NTNG1: variants seen among roughly 807,000 people sequenced by gnomAD.
The protein encoded by NTNG1 is netrin G1, also known as netrin-G1.
A neutral mutation model predicts 54.0 loss-of-function variants in NTNG1; 16 were observed. The observed-to-expected ratio is 0.30, with a 90% CI of 0.20 to 0.45. The LOEUF (loss-of-function observed/expected upper bound fraction) is 0.45, where lower values mean the gene tolerates loss of function less well. Among genes scored for constraint, NTNG1 ranks in the 20% least tolerant of loss-of-function variants. NTNG1 has a pLI of 1.00. For missense variants in NTNG1, 530 were observed against 678.7 expected (o/e 0.78, Z 2.43); for synonymous variants, 255 against 263.1 (o/e 0.97, Z 0.30).
chr1:107,318,035 G>A (rs948968250), intron 2 of NTNG1, among the ~76,000 whole-genome samples: 4 of 152,030 alleles, frequency 2.6e-5, no homozygotes, highest in Non-Finnish European at 5.9e-5. Flanking sequence ...TCTAATGTTG[G>A]GACAGTCCCA....
intron 5 of NTNG1, among the ~76,000 whole-genome samples, chr1:107,417,317 G>A (rs1674282882): frequency 6.6e-6 from 1 of 151,996 alleles, no homozygotes; most frequent in Non-Finnish European, 1.5e-5. Context: ...ATTTCTGTTG[G>A]CTCTATCAGG....
intron 7 of NTNG1, chr1:107,455,654 T>C (rs780503706): frequency 5.2e-5 from 25 of 484,932 alleles, no homozygotes; most frequent in Non-Finnish European, 9.2e-5. Flanking sequence ...GCTGTTGCAC[T>C]GCAGCCATTT....
intron 2 of NTNG1, among the ~76,000 whole-genome samples, chr1:107,169,173 T>A (rs999897968): frequency 6.6e-6 from 1 of 152,150 alleles, no homozygotes; most frequent in Non-Finnish European, 1.5e-5. Flanking sequence ...TACATTCCTA[T>A]AATTTACAGT....
intron 2 of NTNG1, among the ~76,000 whole-genome samples, chr1:107,269,179 A>G (rs1223901935): frequency 6.6e-6 from 1 of 152,168 alleles, no homozygotes; most frequent in Non-Finnish European, 1.5e-5. Context: ...TAGTTTACAA[A>G]TCCTGTAGGA....
At chr1:107,307,269 T>C (rs1666750120) in intron 2 of NTNG1, among the ~76,000 whole-genome samples, 1 of 152,240 alleles carries the variant, frequency 6.6e-6, no homozygotes, top group African/African-American at 2.4e-5. Context: ...TTAATTTTCA[T>C]GCCTCCATTT....
At chr1:107,374,973 G>A (rs1333898947) in intron 3 of NTNG1, among the ~76,000 whole-genome samples, 1 of 152,068 alleles carries the variant, frequency 6.6e-6, no homozygotes, top group Non-Finnish European at 1.5e-5. Flanking sequence ...TCTACTCAAT[G>A]CCCTGTGAAT....
At chr1:107,295,854 C>T (rs773067550) in intron 2 of NTNG1, among the ~76,000 whole-genome samples, 1 of 152,120 alleles carries the variant, frequency 6.6e-6, no homozygotes, top group Non-Finnish European at 1.5e-5. Flanking sequence ...AGGCTGCTAA[C>T]TGCCTAATTC....
intron 1 of NTNG1, among the ~76,000 whole-genome samples, chr1:107,146,243 A>T (rs886086189): frequency 3.9e-5 from 6 of 152,104 alleles, no homozygotes; most frequent in African/African-American, 1.4e-4. Flanking sequence ...TGAAACTAAG[A>T]ATTAAAGTTA....
intron 4 of NTNG1, among the ~76,000 whole-genome samples, chr1:107,395,833 A>G (rs1266446014): frequency 2.0e-5 from 3 of 152,052 alleles, no homozygotes. Flanking sequence ...CTGTTTCCAA[A>G]CTCCAGCAAT....
chr1:107,215,338 A>G (rs1659879690), intron 2 of NTNG1, among the ~76,000 whole-genome samples: 1 of 152,012 alleles, frequency 6.6e-6, no homozygotes, highest in Non-Finnish European at 1.5e-5. Flanking sequence ...ATCCAGTTTC[A>G]TTTTTCTACA....
At position 107,184,494 on chromosome 1, in the gene NTNG1, C is replaced by T. The variant is rs199571275; in HGVS notation, c.246+35655C>T. 7.2e-5 allele frequency among the ~76,000 whole-genome samples: 11 copies of T among 152,204 alleles called. No homozygotes were observed. In the East Asian group the frequency reaches 1.9e-3, roughly 27 times the overall value. Reference sequence around the variant, plus strand: ...CTTCCTGCCGAAAGTAGTTCATGGGCCCAGAGACCTCACCCCCTTCATTTT... The same window carrying T: ...CTTCCTGCCGAAAGTAGTTCATGGGTCCAGAGACCTCACCCCCTTCATTTT... On this transcript the variant is annotated intron_variant, in intron 2 of 7. Coordinates refer to ENST00000370068, the MANE Select transcript of NTNG1 (RefSeq NM_001113226.3).
Position 107,264,588 on chromosome 1 carries a change from T to C in NTNG1, c.247-59694T>C, listed in dbSNP as rs111624226. Among the ~76,000 whole-genome samples, 1,258 of 152,372 alleles carry C rather than the reference T, an allele frequency of 8.3e-3. 11 individuals carry two copies. Among genetic ancestry groups the C allele is most frequent in the Admixed American group, 0.01 (154 of 15,306 alleles). On this transcript the variant is annotated intron_variant, in intron 2 of 7. Coordinates refer to ENST00000370068, the MANE Select transcript of NTNG1 (RefSeq NM_001113226.3). ...GCCCTCTATTCTCTGAGGATAATTC[T>C]TAGCCATAGCTCCTTGTGCTTATTT...
chr1:107,414,870 A>G (rs1242253409), intron 5 of NTNG1, among the ~76,000 whole-genome samples: 1 of 152,186 alleles, frequency 6.6e-6, no homozygotes, highest in Non-Finnish European at 1.5e-5. Context: ...CAAGTGGTGG[A>G]ACCGGACTTT....
chr1:107,418,650 G>C, intron 5 of NTNG1: 1 of 1,582,658 alleles, frequency 6.3e-7, no homozygotes, highest in Non-Finnish European at 8.6e-7. Flanking sequence ...AACAAGGTAG[G>C]AGCATGTAAA....
intron 5 of NTNG1, among the ~76,000 whole-genome samples, chr1:107,413,299 A>T (rs954413495): frequency 6.6e-6 from 1 of 151,906 alleles, no homozygotes; most frequent in African/African-American, 2.4e-5. Flanking sequence ...AATAGCTGGG[A>T]CTACAGGCTC....
intron 2 of NTNG1, among the ~76,000 whole-genome samples, chr1:107,189,224 G>T (rs566875379): frequency 6.6e-6 from 1 of 151,572 alleles, no homozygotes; most frequent in South Asian, 2.1e-4. Flanking sequence ...GGTAGTTCAC[G>T]CCTGTAGTTC....
intron 3 of NTNG1, among the ~76,000 whole-genome samples, chr1:107,332,567 A>G (rs1314563863): frequency 2.6e-5 from 4 of 151,962 alleles, no homozygotes; most frequent in Admixed American, 2.0e-4. Context: ...GTCTTTCTGT[A>G]CCTAGGATCA....
chr1:107,301,119 C>A (rs1206504244), intron 2 of NTNG1, among the ~76,000 whole-genome samples: 2 of 152,016 alleles, frequency 1.3e-5, no homozygotes, highest in Non-Finnish European at 2.9e-5. Context: ...AAAGACTTAT[C>A]TATGAACAAA....
At chr1:107,185,890 C>T (rs1242286372) in intron 2 of NTNG1, among the ~76,000 whole-genome samples, 1 of 151,928 alleles carries the variant, frequency 6.6e-6, no homozygotes, top group East Asian at 1.9e-4. Context: ...AACTTGTATA[C>T]GTTTAAAGGG....
Sources: gnomAD v4.1 joint callset for allele counts (sites outside exome capture counted in the v4.1 genomes callset) on GRCh38, gnomAD v4.1.1 for gene constraint, MANE v1.5 for transcripts, NCBI Gene and HGNC (gene_info 2026-07-23, HGNC 2026-07-21) for gene names.